SRRM4: variants seen among roughly 807,000 people sequenced by gnomAD.
SRRM4 encodes the protein serine/arginine repetitive matrix protein 4.
Under a neutral mutation model 68.9 loss-of-function variants are expected in SRRM4, and 33 were observed. The ratio of observed to expected loss-of-function variants is 0.48; its 90% CI spans 0.36 to 0.64. The LOEUF (loss-of-function observed/expected upper bound fraction) is 0.64. Among genes scored for constraint, SRRM4 ranks in the 30% least tolerant of loss-of-function variants. SRRM4 has a pLI of 0.00. For synonymous variants in SRRM4, 318 were observed against 318.8 expected (o/e 1.00, Z 0.03); for missense variants, 817 against 827.1 (o/e 0.99, Z 0.15).
chr12:118,990,822 G>T (rs1594016495), intron 1 of SRRM4, among the ~76,000 whole-genome samples: 1 of 151,650 alleles, frequency 6.6e-6, no homozygotes, highest in African/African-American at 2.4e-5. Context: ...GTGTTTTTTT[G>T]GTTTGTTTTT....
Position 119,130,852 on chromosome 12 carries a change from C to T in SRRM4, c.771+18C>T, listed in dbSNP as rs1592910570. Reference sequence around the variant, plus strand: ...GGGGTGTAGTAAGTATTCTTCACAGCCTCCTCTGCCAGCCTTGGCCACGAC... The same window carrying T: ...GGGGTGTAGTAAGTATTCTTCACAGTCTCCTCTGCCAGCCTTGGCCACGAC... On this transcript the variant is annotated intron_variant, in intron 8 of 12. Transcript: ENST00000267260. The T allele has an allele frequency of 6.3e-7, 1 of 1,597,816 alleles. No homozygotes were observed. The highest frequency in any genetic ancestry group is 8.5e-7 in the Non-Finnish European group (1 of 1,177,884).
chr12:119,153,484 G>A, intron 10 of SRRM4, 55 bp from the exon 11 acceptor site: 1 of 1,245,952 alleles, frequency 8.0e-7, no homozygotes, highest in South Asian at 1.3e-5. Context: ...AGCCGTCTTG[G>A]ATAACCCAGG....
chr12:119,064,439 C>CACT (rs1284740212), intron 1 of SRRM4, among the ~76,000 whole-genome samples: 1 of 152,052 alleles, frequency 6.6e-6, no homozygotes, highest in Non-Finnish European at 1.5e-5. Flanking sequence ...TTAGTGATGG[C>CACT]ACTGGAGTAT....
chr12:119,112,080 C>T lies in SRRM4; in HGVS notation c.279-2198C>T, dbSNP rs1216749154. Among the ~76,000 whole-genome samples the T allele has an allele frequency of 4.9e-4, 74 of 152,044 alleles. 1 individual carries two copies. Among genetic ancestry groups the T allele is most frequent in the Admixed American group, 4.8e-3 (73 of 15,248 alleles). ...AAAAAAAAAAAGAATTTGGAAGTAG[C>T]CCATCCTGTTTACACAAGCATCCTG... On this transcript the variant is annotated intron_variant, in intron 2 of 12. Coordinates refer to ENST00000267260, the MANE Select transcript of SRRM4 (RefSeq NM_194286.4).
At chr12:119,007,401 CT>C (rs1445398239) in intron 1 of SRRM4, among the ~76,000 whole-genome samples, 7 of 152,154 alleles carry the variant, frequency 4.6e-5, no homozygotes, top group Non-Finnish European at 1.0e-4. Context: ...CTCTTATTTT[CT>C]CTCTCTTTTT....
chr12:119,093,007 G>C (rs1256244186), intron 1 of SRRM4, among the ~76,000 whole-genome samples: 1 of 152,132 alleles, frequency 6.6e-6, no homozygotes, highest in Non-Finnish European at 1.5e-5. Flanking sequence ...CACTCTGCCT[G>C]TTATGTTCTC....
intron 1 of SRRM4, among the ~76,000 whole-genome samples, chr12:119,092,823 G>A (rs1954022091): frequency 6.6e-6 from 1 of 151,670 alleles, no homozygotes; most frequent in South Asian, 2.1e-4. Context: ...TCATCTCACC[G>A]AGAGGAAAGA....
intron 1 of SRRM4, among the ~76,000 whole-genome samples, chr12:119,040,800 G>A (rs1160105501): frequency 1.3e-5 from 2 of 152,054 alleles, no homozygotes; most frequent in African/African-American, 4.8e-5. Flanking sequence ...GCCCAGGCTG[G>A]AGTGCATGGC....
rs566274744 is a variant in SRRM4, at chr12:119,124,778, A to C, written c.516-603A>C. Among the ~76,000 whole-genome samples, 551 of 152,280 alleles carry C rather than the reference A, an allele frequency of 3.6e-3. 5 individuals carry two copies. The highest frequency in any genetic ancestry group is 0.013 in the African/African-American group (526 of 41,558). ...GTCTGAGGTTGTAAATTGGCAGCCC[A>C]AAGGCCTAATTTACTCTGCAAATGT... On this transcript the variant is annotated intron_variant, in intron 6 of 12. Coordinates refer to ENST00000267260, the MANE Select transcript of SRRM4 (RefSeq NM_194286.4).
chr12:119,064,045 A>C (rs1420143890), intron 1 of SRRM4, among the ~76,000 whole-genome samples: 1 of 152,222 alleles, frequency 6.6e-6, no homozygotes, highest in East Asian at 1.9e-4. Flanking sequence ...GGTTGATCTT[A>C]TTATCTTCTG....
intron 8 of SRRM4, among the ~76,000 whole-genome samples, chr12:119,135,692 T>G (rs1311253108): frequency 1.3e-5 from 2 of 152,170 alleles, no homozygotes; most frequent in East Asian, 3.9e-4. Context: ...CATTTAATTT[T>G]ATAATAGCTT....
At chr12:119,125,513 C>T (rs1954252791) in intron 7 of SRRM4, 34 bp downstream of exon 7, 1 of 1,585,612 alleles carries the variant, frequency 6.3e-7, no homozygotes, top group South Asian at 1.1e-5. Context: ...CTTCTGTCAG[C>T]CACAGCCGAG....
intron 2 of SRRM4, among the ~76,000 whole-genome samples, chr12:119,113,774 G>C (rs1954159363): frequency 6.6e-6 from 1 of 152,140 alleles, no homozygotes; most frequent in Admixed American, 6.5e-5. Flanking sequence ...GAAGAGCGGA[G>C]GTTTTTGAGG....
intron 1 of SRRM4, among the ~76,000 whole-genome samples, chr12:119,076,696 G>A (rs1953918454): frequency 2.6e-5 from 4 of 152,196 alleles, no homozygotes; most frequent in Admixed American, 2.6e-4. Flanking sequence ...CCCCAAGGAA[G>A]TGCAAGAGTA....
intron 2 of SRRM4, among the ~76,000 whole-genome samples, chr12:119,105,935 G>C (rs1489903617): frequency 1.3e-5 from 2 of 151,650 alleles, no homozygotes; most frequent in African/African-American, 4.8e-5. Context: ...GGTTTTTTAT[G>C]GTTTTAAGTC....
chr12:119,065,248 T>G (rs909107404), intron 1 of SRRM4, among the ~76,000 whole-genome samples: 1 of 152,152 alleles, frequency 6.6e-6, no homozygotes, highest in Non-Finnish European at 1.5e-5. Flanking sequence ...GTTCTCACAT[T>G]GGTTGGGAAC....
At chr12:118,995,562 C>T (rs945565195) in intron 1 of SRRM4, among the ~76,000 whole-genome samples, 2 of 152,116 alleles carry the variant, frequency 1.3e-5, no homozygotes, top group Non-Finnish European at 2.9e-5. Context: ...TTGGGACTTG[C>T]CAATTTGATG....
intron 3 of SRRM4, among the ~76,000 whole-genome samples, chr12:119,115,272 T>G (rs571429386): frequency 2.0e-5 from 3 of 152,186 alleles, no homozygotes; most frequent in African/African-American, 7.2e-5. Context: ...AGCTATTGAC[T>G]CTTTGGTATC....
At chr12:119,074,927 G>T (rs1489133383) in intron 1 of SRRM4, among the ~76,000 whole-genome samples, 1 of 152,176 alleles carries the variant, frequency 6.6e-6, no homozygotes, top group Non-Finnish European at 1.5e-5. Context: ...ACCTTTCTTG[G>T]TGAGAAAAAT....
Sources: gnomAD v4.1 joint callset for allele counts (sites outside exome capture counted in the v4.1 genomes callset) on GRCh38, gnomAD v4.1.1 for gene constraint, MANE v1.5 for transcripts, NCBI Gene and HGNC (gene_info 2026-07-23, HGNC 2026-07-21) for gene names.